The following THSD4 variants were observed in gnomAD, a reference collection of about 807,000 sequenced individuals.
The protein encoded by THSD4 is thrombospondin type 1 domain containing 4, also known as thrombospondin type-1 domain-containing protein 4.
THSD4 carries 69 observed loss-of-function variants against 119.0 expected under a neutral mutation model. The ratio of observed to expected loss-of-function variants is 0.58; its 90% CI spans 0.48 to 0.71. THSD4 has a LOEUF of 0.71. THSD4 is among the 30% of genes least tolerant of loss of function. THSD4 has a pLI of 0.00. For missense variants in THSD4, 1,393 were observed against 1,391.1 expected (o/e 1.00, Z -0.02); for synonymous variants, 524 against 540.4 (o/e 0.97, Z 0.42).
chr15:71,567,435 A>C (rs2049262542), intron 7 of THSD4, among the ~76,000 whole-genome samples: 1 of 152,210 alleles, frequency 6.6e-6, no homozygotes, highest in African/African-American at 2.4e-5. Context: ...TGCTGGAGAC[A>C]TCTAGGAGTC....
At chr15:71,651,035 T>G (rs2051075994) in intron 7 of THSD4, among the ~76,000 whole-genome samples, 1 of 152,234 alleles carries the variant, frequency 6.6e-6, no homozygotes, top group Admixed American at 6.5e-5. Flanking sequence ...TTATTATAAC[T>G]AAATTCGATG....
At chr15:71,214,993 G>C (rs1323156147) in intron 3 of THSD4, 42 bp from the exon 4 acceptor site, 7 of 1,234,346 alleles carry the variant, frequency 5.7e-6, no homozygotes. Context: ...GGTGAAGAGA[G>C]GAGCGGTGTT....
At chr15:71,745,697 G>C (rs531792382) in intron 12 of THSD4, among the ~76,000 whole-genome samples, 1 of 152,206 alleles carries the variant, frequency 6.6e-6, no homozygotes, top group Non-Finnish European at 1.5e-5. Context: ...TGTTGCCCAG[G>C]CCAGATTGCA....
At chr15:71,267,160 G>A (rs12910985) in intron 6 of THSD4, among the ~76,000 whole-genome samples, 7,696 of 152,170 alleles carry the variant, frequency 0.051, 321 homozygotes, top group Non-Finnish European at 0.076. Context: ...ACACATAATT[G>A]TCAGATTCAC....
intron 7 of THSD4, among the ~76,000 whole-genome samples, chr15:71,492,736 AGG>A (rs1491245020): frequency 0.042 from 6,427 of 152,236 alleles, 224 homozygotes; most frequent in African/African-American, 0.099. Flanking sequence ...GAGTTAGCCC[AGG>A]GTCTTTTTCA....
At chr15:71,553,407 C>A (rs1354497244) in intron 7 of THSD4, among the ~76,000 whole-genome samples, 1 of 151,390 alleles carries the variant, frequency 6.6e-6, no homozygotes, top group Non-Finnish European at 1.5e-5. Context: ...CTCACTGCAA[C>A]CTCCACCTCC....
chr15:71,115,592 T>TGGCGGCCGTCCATGCGGC lies in THSD4; in HGVS notation c.-181_-164dup, dbSNP rs2040351870. The TGGCGGCCGTCCATGCGGC allele has an allele frequency of 6.7e-6, 1 of 148,184 alleles. No individual in the cohort carries two copies. The highest frequency in any genetic ancestry group is 2.0e-4 in the East Asian group (1 of 5,094). The allele number at this position is 148,184 out of a possible 1,614,324, so 9.2% of individuals were successfully genotyped here. On this transcript the variant is annotated 5_prime_UTR_variant, in exon 1 of 18. It adds an upstream start codon to the 5' untranslated region. Transcript: ENST00000261862. The surrounding 1 kb of genome is among the most constrained non-coding windows in gnomAD (Gnocchi z 4.4). ...CGGGCGCGGGGCGGCTGGGCGGCGG[T>TGGCGGCCGTCCATGCGGC]GGCGGCCGTCCATGCGGCGGCGCTC...
At chr15:71,144,554 A>G (rs193011213) in intron 2 of THSD4, among the ~76,000 whole-genome samples, 13 of 152,350 alleles carry the variant, frequency 8.5e-5, no homozygotes, top group African/African-American at 2.9e-4. Context: ...ATTAGCTGCC[A>G]AGAAAATCCC....
intron 6 of THSD4, among the ~76,000 whole-genome samples, chr15:71,313,147 CATGG>C (rs1290650587): frequency 6.6e-6 from 1 of 152,142 alleles, no homozygotes; most frequent in Admixed American, 6.5e-5. Flanking sequence ...AGTATGGACC[CATGG>C]ATATTTATTT....
chr15:71,334,870 G>C (rs1331603617), intron 6 of THSD4, among the ~76,000 whole-genome samples: 2 of 152,178 alleles, frequency 1.3e-5, no homozygotes, highest in African/African-American at 2.4e-5. Flanking sequence ...TGTCTATCTG[G>C]GACAAAGGGG....
intron 7 of THSD4, among the ~76,000 whole-genome samples, chr15:71,607,697 T>A (rs1323286178): frequency 1.3e-5 from 2 of 152,134 alleles, no homozygotes; most frequent in Non-Finnish European, 2.9e-5. Flanking sequence ...GGGGCACCTA[T>A]GATGTTTTCC....
chr15:71,681,713 T>G (rs991472548), intron 8 of THSD4, among the ~76,000 whole-genome samples: 7 of 151,968 alleles, frequency 4.6e-5, no homozygotes, highest in Admixed American at 6.6e-5. Context: ...GCACATGCCT[T>G]TATAACTAAC....
chr15:71,339,022 CTG>C (rs1181178343), intron 6 of THSD4, among the ~76,000 whole-genome samples: 2 of 152,174 alleles, frequency 1.3e-5, no homozygotes, highest in African/African-American at 2.4e-5. Flanking sequence ...GGACATCACA[CTG>C]TGTCTTGCTC....
chr15:71,713,120 G>C (rs2052546737), intron 8 of THSD4, among the ~76,000 whole-genome samples: 1 of 152,194 alleles, frequency 6.6e-6, no homozygotes, highest in Non-Finnish European at 1.5e-5. Context: ...AGGCTTTTGG[G>C]TAATGGTAGA....
intron 2 of THSD4, among the ~76,000 whole-genome samples, chr15:71,142,389 C>CA (rs1438269796): frequency 1.3e-5 from 2 of 152,058 alleles, no homozygotes; most frequent in Middle Eastern, 3.2e-3. Context: ...AAGTTGTTTT[C>CA]AAACTTTTTA....
At chr15:71,722,989 T>C (rs2052751001) in intron 8 of THSD4, among the ~76,000 whole-genome samples, 1 of 152,138 alleles carries the variant, frequency 6.6e-6, no homozygotes, top group Admixed American at 6.5e-5. Flanking sequence ...TCATTCTTTT[T>C]CGAGTCACTT....
At chr15:71,598,463 G>A (rs76837572) in intron 7 of THSD4, among the ~76,000 whole-genome samples, 2,581 of 152,234 alleles carry the variant, frequency 0.017, 83 homozygotes, top group African/African-American at 0.057. Flanking sequence ...AGGACTCATT[G>A]TAAAGGCCAG....
intron 1 of THSD4, among the ~76,000 whole-genome samples, chr15:71,121,021 G>A (rs567075936): frequency 6.6e-6 from 1 of 152,206 alleles, no homozygotes; most frequent in Admixed American, 6.5e-5. Context: ...GGACTGCTGG[G>A]AGGCTGCCCT....
At chr15:71,268,429 C>T (rs1407137200) in intron 6 of THSD4, among the ~76,000 whole-genome samples, 1 of 152,068 alleles carries the variant, frequency 6.6e-6, no homozygotes, top group Non-Finnish European at 1.5e-5. Flanking sequence ...ACATAACGTA[C>T]CAGAATCTCT....
Sources: allele counts gnomAD v4.1 joint callset (sites outside exome capture counted in the v4.1 genomes callset), GRCh38; gene constraint gnomAD v4.1.1; non-coding constraint Gnocchi (gnomAD v3.1); transcripts MANE v1.5; gene names NCBI Gene and HGNC (gene_info 2026-07-23, HGNC 2026-07-21).